CCDC73: variants seen among roughly 807,000 people sequenced by gnomAD.
The protein encoded by CCDC73 is coiled-coil domain containing 73, also known as coiled-coil domain-containing protein 73.
CCDC73 carries 95 observed loss-of-function variants against 116.5 expected under a neutral mutation model. The ratio of observed to expected loss-of-function variants is 0.82; its 90% confidence interval spans 0.69 to 0.97. The LOEUF (loss-of-function observed/expected upper bound fraction) is 0.97, where lower values mean the gene tolerates loss of function less well. Ranked by LOEUF, CCDC73 falls within the 50% of genes least tolerant of loss-of-function variation. The pLI is 0.00. For missense variants in CCDC73, 1,066 were observed against 1,206.8 expected, an observed-to-expected ratio of 0.88 and a Z score of 1.73; for synonymous variants, 398 against 401.3, an observed-to-expected ratio of 0.99 and a Z score of 0.10.
intron 1 of CCDC73, among the ~76,000 whole-genome samples, chr11:32,777,122 G>A (rs1223477504): frequency 7.1e-5 from 9 of 126,648 alleles, no homozygotes; most frequent in South Asian, 2.5e-4. Flanking sequence ...TTTTTGAGAC[G>A]GAGTCTTCCT....
chr11:32,749,540 TG>T (rs1328987774), intron 2 of CCDC73, among the ~76,000 whole-genome samples: 1 of 152,114 alleles, frequency 6.6e-6, no homozygotes, highest in Non-Finnish European at 1.5e-5. Flanking sequence ...TTAGTTTGTT[TG>T]GTGAGGTATG....
the CCDC73 span, among the ~76,000 whole-genome samples, chr11:32,823,392 T>C: frequency 6.6e-6 from 1 of 152,148 alleles, no homozygotes; most frequent in East Asian, 1.9e-4. Context: ...GAGAATCGCT[T>C]GAACCCGGGA....
chr11:32,760,873 C>T (rs1279121010), intron 1 of CCDC73, among the ~76,000 whole-genome samples: 2 of 152,150 alleles, frequency 1.3e-5, no homozygotes, highest in Admixed American at 6.5e-5. Context: ...CAAATGTTAA[C>T]ATCTTGTATA....
chr11:32,711,730 A>G (rs1849902222), intron 3 of CCDC73, among the ~76,000 whole-genome samples: 2 of 152,196 alleles, frequency 1.3e-5, no homozygotes, highest in African/African-American at 4.8e-5. Context: ...TCATGTAACT[A>G]AACACTACCT....
intron 9 of CCDC73, among the ~76,000 whole-genome samples, chr11:32,673,307 T>C (rs1279295787): frequency 6.6e-6 from 1 of 152,196 alleles, no homozygotes; most frequent in Non-Finnish European, 1.5e-5. Flanking sequence ...GTTGTGCATG[T>C]GTGAGGACAG....
chr11:32,755,894 C>CATATATATATCTATATATATATCTCCAT (rs1476401167), intron 2 of CCDC73, among the ~76,000 whole-genome samples: 1 of 96,538 alleles, frequency 1.0e-5, no homozygotes, highest in East Asian at 3.1e-4. Flanking sequence ...TATATATCTC[C>CATATATATATCTATATATATATCTCCAT]ATATATATCT....
chr11:32,794,105 A>T (rs1850701569), intron 1 of CCDC73, among the ~76,000 whole-genome samples: 1 of 152,174 alleles, frequency 6.6e-6, no homozygotes, highest in African/African-American at 2.4e-5. Flanking sequence ...TTCGCACTAT[A>T]CTTAAAACAT....
chr11:32,754,981 G>T (rs758051198), intron 2 of CCDC73, among the ~76,000 whole-genome samples: 1 of 143,546 alleles, frequency 7.0e-6, no homozygotes, highest in Non-Finnish European at 1.5e-5. Flanking sequence ...TCTGTCTCCC[G>T]GATTCAAGCG....
intron 9 of CCDC73, among the ~76,000 whole-genome samples, chr11:32,667,708 G>A (rs1855999571): frequency 6.6e-6 from 1 of 152,148 alleles, no homozygotes. Context: ...AGATGAACCT[G>A]GTACCTCAGT....
intron 2 of CCDC73, among the ~76,000 whole-genome samples, chr11:32,739,511 A>G (rs1850165175): frequency 6.6e-6 from 1 of 152,140 alleles, no homozygotes; most frequent in African/African-American, 2.4e-5. Context: ...TGCTGTTGGC[A>G]TATGGAAATG....
At chr11:32,742,981 T>G (rs901682204) in intron 2 of CCDC73, among the ~76,000 whole-genome samples, 4 of 152,328 alleles carry the variant, frequency 2.6e-5, no homozygotes, top group African/African-American at 9.6e-5. Context: ...TGTGGTGTTA[T>G]TTCTGAGGCC....
rs149252171 is a variant in CCDC73, at chr11:32,671,442, A to G, written c.645+4123T>C. ...AGAAATTCCATCTTATCACAAACCA[A>G]TAACAACTGTTCTGGACAAAATCAT... is the stretch of plus-strand genomic sequence containing the variant. On this transcript the variant is annotated intron_variant, in intron 9 of 17. Transcript: ENST00000335185. Among the ~76,000 whole-genome samples, 669 of 152,042 alleles carry G rather than the reference A, an allele frequency of 4.4e-3. 5 individuals carry two copies. Among genetic ancestry groups the G allele is most frequent in the Non-Finnish European group, 6.2e-3 (418 of 67,966 alleles).
At chr11:32,823,833 G>A in the CCDC73 span, among the ~76,000 whole-genome samples, 3 of 151,956 alleles carry the variant, frequency 2.0e-5, no homozygotes, top group Non-Finnish European at 4.4e-5. Flanking sequence ...CTGATCTCCT[G>A]GGCCCAAGTG....
intron 2 of CCDC73, among the ~76,000 whole-genome samples, chr11:32,749,492 ATG>A (rs2133365836): frequency 6.6e-6 from 1 of 152,000 alleles, no homozygotes; most frequent in Non-Finnish European, 1.5e-5. Context: ...GAAAGTTCAC[ATG>A]TCTCTCTTTC....
intron 2 of CCDC73, among the ~76,000 whole-genome samples, chr11:32,728,736 G>T (rs949238215): frequency 1.3e-5 from 2 of 151,992 alleles, no homozygotes; most frequent in Non-Finnish European, 2.9e-5. Context: ...CTGGAGTCTC[G>T]CTCTGTCGCC....
chr11:32,760,104 C>A lies in CCDC73; in HGVS notation c.135+5G>T. 6.3e-7 allele frequency: 1 copy of A among 1,594,590 alleles called. No individual in the cohort carries two copies. Among genetic ancestry groups the A allele is most frequent in the Non-Finnish European group, 8.5e-7 (1 of 1,172,776 alleles). On this transcript the variant is annotated splice_donor_5th_base_variant and intron_variant, in intron 2 of 17. Transcript: ENST00000335185. ...TTAACAAAAGCATTTTAAAAAGGAG[C>A]TTACCCTTCTCATACGCAATTCTTC...
rs189632095 is a variant in CCDC73 at position 32,610,217 on chromosome 11, G to A, written c.3030+915C>T. 5.3e-5 allele frequency among the ~76,000 whole-genome samples: 8 copies of A among 152,152 alleles called. No homozygotes were observed. The East Asian group carries it at 7.7e-4, about 15-fold the overall frequency. On this transcript the variant is annotated intron_variant, in intron 17 of 17. Coordinates refer to ENST00000335185, the MANE Select transcript of CCDC73 (RefSeq NM_001008391.4). ...CATGAGAATAGCACAGGAAAGACCC[G>A]CCCCCATGATTCAATTACCTCCCAC...
At chr11:32,730,443 T>C (rs906707693) in intron 2 of CCDC73, among the ~76,000 whole-genome samples, 8 of 152,232 alleles carry the variant, frequency 5.3e-5, no homozygotes, top group Non-Finnish European at 1.0e-4. Flanking sequence ...AATAGAATTC[T>C]AGGTTGGTAG....
At chr11:32,686,734 T>C (rs1423833659) in intron 6 of CCDC73, among the ~76,000 whole-genome samples, 1 of 152,210 alleles carries the variant, frequency 6.6e-6, no homozygotes, top group Admixed American at 6.5e-5. Context: ...CTATATTTTA[T>C]CAATACCTCT....
Sources: allele counts gnomAD v4.1 joint callset (sites outside exome capture counted in the v4.1 genomes callset), GRCh38; gene constraint gnomAD v4.1.1; transcripts MANE v1.5; gene names NCBI Gene and HGNC (gene_info 2026-07-23, HGNC 2026-07-21).